COP1: variants seen among roughly 807,000 people sequenced by gnomAD.
COP1 encodes COP1 E3 ubiquitin ligase.
A neutral mutation model predicts 101.3 loss-of-function variants in COP1; 24 were observed. The observed-to-expected ratio is 0.24, with a 90% CI of 0.17 to 0.33. The LOEUF (loss-of-function observed/expected upper bound fraction) is 0.33, where lower values mean the gene tolerates loss of function less well. Ranked by LOEUF, COP1 falls within the 10% of genes least tolerant of loss-of-function variation. The pLI, the probability that COP1 is intolerant of heterozygous loss-of-function variation, is 1.00. For missense variants in COP1, 663 were observed against 906.2 expected (o/e 0.73, Z 3.45); for synonymous variants, 347 against 341.9 (o/e 1.01, Z -0.17).
chr1:176,071,723 TTAA>T (rs755787391), intron 11 of COP1, among the ~76,000 whole-genome samples: 2 of 152,212 alleles, frequency 1.3e-5, no homozygotes, highest in Non-Finnish European at 2.9e-5. Context: ...CTTCCTTATA[TTAA>T]CCTTAAAATG....
At chr1:176,206,455 AG>A (rs1700861667) in intron 1 of COP1, 116 bp downstream of exon 1, 1 of 1,207,544 alleles carries the variant, frequency 8.3e-7, no homozygotes, top group Admixed American at 2.2e-5. Flanking sequence ...ACACCACCAC[AG>A]CACCAGTATC....
intron 8 of COP1, among the ~76,000 whole-genome samples, chr1:176,118,929 G>A (rs1686647767): frequency 6.6e-6 from 1 of 151,968 alleles, no homozygotes; most frequent in South Asian, 2.1e-4. Flanking sequence ...ACGTATCAAT[G>A]AAAAAATAAA....
chr1:175,989,200 C>A lies in COP1; in HGVS notation c.1847+162G>T, dbSNP rs185745051. ...AGTGCACAATACAGACCAGAAACCACACTACTTTAATTGGACAAGATTAAA... is the reference window on the plus strand; with the variant it reads ...AGTGCACAATACAGACCAGAAACCAAACTACTTTAATTGGACAAGATTAAA... On this transcript the variant is annotated intron_variant, in intron 16 of 19. Transcript: ENST00000367669. 1.3e-5 allele frequency: 6 copies of A among 474,878 alleles called. No homozygotes were observed. In the Admixed American group the frequency reaches 1.7e-4, roughly 13 times the overall value. The allele number at this position is 474,878 out of a possible 1,614,324, so 29.4% of individuals were successfully genotyped here.
At chr1:176,033,278 G>A (rs1187625038) in intron 14 of COP1, among the ~76,000 whole-genome samples, 4 of 151,980 alleles carry the variant, frequency 2.6e-5, no homozygotes, top group South Asian at 2.1e-4. Context: ...GCCAGCTGTC[G>A]GGGCGAGGGT....
intron 8 of COP1, among the ~76,000 whole-genome samples, chr1:176,123,875 A>C (rs544375313): frequency 2.4e-4 from 36 of 152,170 alleles, no homozygotes; most frequent in Non-Finnish European, 4.4e-4. Context: ...CCAATTACTT[A>C]ATCTTCCCAT....
chr1:176,040,119 A>T (rs1312320159), intron 14 of COP1, among the ~76,000 whole-genome samples: 1 of 152,210 alleles, frequency 6.6e-6, no homozygotes, highest in Non-Finnish European at 1.5e-5. Context: ...AAATGAAAAC[A>T]ATTTTGTGCA....
intron 14 of COP1, among the ~76,000 whole-genome samples, chr1:176,032,690 C>T (rs11810706): frequency 0.34 from 51,853 of 151,668 alleles, 9,136 homozygotes; most frequent in East Asian, 0.55. Flanking sequence ...CAAGCGACTG[C>T]GAAGAGAGAA....
intron 9 of COP1, among the ~76,000 whole-genome samples, chr1:176,097,937 T>G (rs1242855742): frequency 6.6e-6 from 1 of 152,090 alleles, no homozygotes; most frequent in Non-Finnish European, 1.5e-5. Flanking sequence ...TCAAATGTTT[T>G]TTAAAAGGAA....
intron 3 of COP1, among the ~76,000 whole-genome samples, chr1:176,169,140 C>T (rs1188521808): frequency 6.6e-6 from 1 of 152,092 alleles, no homozygotes; most frequent in East Asian, 1.9e-4. Context: ...TTAATATAAA[C>T]AAGGTTTCTC....
At chr1:176,149,143 A>G in intron 5 of COP1, 69 bp from the exon 6 acceptor site, 1 of 915,788 alleles carries the variant, frequency 1.1e-6, no homozygotes, top group Non-Finnish European at 1.6e-6. Flanking sequence ...TTAACACCAT[A>G]GCATAAACAG....
chr1:175,981,810 T>TA (rs143589977), intron 18 of COP1, among the ~76,000 whole-genome samples: 2 of 151,876 alleles, frequency 1.3e-5, no homozygotes, highest in Non-Finnish European at 2.9e-5. Flanking sequence ...ATAACCCACT[T>TA]AAAAAACAAG....
At chr1:176,191,431 T>C (rs900545368) in intron 1 of COP1, among the ~76,000 whole-genome samples, 1 of 151,996 alleles carries the variant, frequency 6.6e-6, no homozygotes, top group African/African-American at 2.4e-5. Context: ...CATGGAAATG[T>C]TTCTTCCTTC....
chr1:176,128,175 G>T (rs988268112), intron 8 of COP1, among the ~76,000 whole-genome samples: 3 of 151,866 alleles, frequency 2.0e-5, no homozygotes, highest in Admixed American at 6.6e-5. Flanking sequence ...TCAATAATTG[G>T]GTTCTAACAC....
Position 176,175,991 on chromosome 1 carries a change from G to A in COP1, c.484C>T (p.Gln162Ter). The A allele has an allele frequency of 6.4e-7, 1 of 1,562,264 alleles. No homozygotes were observed. Among genetic ancestry groups the A allele is most frequent in the South Asian group, 1.1e-5 (1 of 87,960 alleles). ...CATCTATTATTGTCCTCCAAACTCT[G>A]ATGAATACACTTGTAGCTATTAGTA... ...GHSFCYKCIH[Q>*]SLEDNNRCPK... Residue 162 changes from glutamine to a stop codon, truncating the protein, a stop_gained, in exon 3 of 20, where the codon CAG (glutamine) becomes TAG (stop). Transcript: ENST00000367669. LOFTEE classifies it high-confidence loss of function.
chr1:176,120,272 G>T (rs1479606010), intron 8 of COP1, among the ~76,000 whole-genome samples: 1 of 151,736 alleles, frequency 6.6e-6, no homozygotes, highest in Non-Finnish European at 1.5e-5. Flanking sequence ...ATACAAAAAT[G>T]AGCTGGGCAT....
chr1:176,143,476 A>G (rs1691062959), intron 6 of COP1, among the ~76,000 whole-genome samples: 1 of 152,214 alleles, frequency 6.6e-6, no homozygotes, highest in Non-Finnish European at 1.5e-5. Flanking sequence ...GAAAATTTAA[A>G]AAGAGGATAC....
chr1:176,180,719 AAAC>A (rs1697626370), intron 2 of COP1, among the ~76,000 whole-genome samples: 1 of 152,252 alleles, frequency 6.6e-6, no homozygotes, highest in Non-Finnish European at 1.5e-5. Context: ...GAGTAGATAT[AAAC>A]AACTGTAAGT....
chr1:176,190,870 T>G (rs192816852), intron 1 of COP1, among the ~76,000 whole-genome samples: 2 of 151,892 alleles, frequency 1.3e-5, no homozygotes, highest in Admixed American at 1.3e-4. Context: ...TGTCTTATAG[T>G]AGTACTGGTT....
intron 5 of COP1, among the ~76,000 whole-genome samples, chr1:176,154,889 T>C (rs1181424571): frequency 6.6e-6 from 1 of 152,198 alleles, no homozygotes; most frequent in Non-Finnish European, 1.5e-5. Context: ...ATATACTTTC[T>C]TCTGCATTAG....
Sources: gnomAD v4.1 joint callset for allele counts (sites outside exome capture counted in the v4.1 genomes callset) on GRCh38, gnomAD v4.1.1 for gene constraint, MANE v1.5 for transcripts, NCBI Gene and HGNC (gene_info 2026-07-23, HGNC 2026-07-21) for gene names.